The following TBC1D5 variants were observed in gnomAD, a reference collection of about 807,000 sequenced individuals.
TBC1D5 encodes the protein TBC1 domain family, member 5.
A neutral mutation model predicts 100.3 loss-of-function variants in TBC1D5; 75 were observed. The observed-to-expected ratio is 0.75, with a 90% CI of 0.62 to 0.91. The LOEUF (loss-of-function observed/expected upper bound fraction) is 0.91. Ranked by LOEUF, TBC1D5 falls within the 40% of genes least tolerant of loss-of-function variation. TBC1D5 has a pLI of 0.00. For synonymous variants in TBC1D5, 323 were observed against 325.6 expected, an observed-to-expected ratio of 0.99 and a Z score of 0.09; for missense variants, 910 against 942.4, an observed-to-expected ratio of 0.97 and a Z score of 0.45.
intron 1 of TBC1D5, among the ~76,000 whole-genome samples, chr3:17,696,763 C>A (rs1170884654): frequency 6.6e-6 from 1 of 152,204 alleles, no homozygotes; most frequent in Admixed American, 6.5e-5. Context: ...ATGAGGCCAA[C>A]ATCTTCCCGA....
chr3:17,295,618 T>C (rs904890362), intron 14 of TBC1D5, among the ~76,000 whole-genome samples: 1 of 152,232 alleles, frequency 6.6e-6, no homozygotes. Context: ...AACTTACACA[T>C]AATTCAAAAC....
chr3:17,376,878 A>G (rs2092731617), intron 9 of TBC1D5, among the ~76,000 whole-genome samples: 1 of 152,164 alleles, frequency 6.6e-6, no homozygotes, highest in Non-Finnish European at 1.5e-5. Flanking sequence ...ATAAATTGGC[A>G]TGGTAGATAA....
rs575462235 is a variant in TBC1D5 at position 17,408,972 on chromosome 3, C to T, written c.168-2446G>A. On this transcript the variant is annotated intron_variant, in intron 4 of 21. Coordinates refer to ENST00000253692, the Ensembl canonical transcript of TBC1D5. ...AATATGTCCTATTTCCAAGTAGTTA[C>T]GCATATATACTGATATCTCATAATG... is the stretch of plus-strand genomic sequence containing the variant. Among the ~76,000 whole-genome samples, 240 of 152,156 alleles carry T rather than the reference C, an allele frequency of 1.6e-3. 1 individual carries two copies. The highest frequency in any genetic ancestry group is 2.4e-3 in the Non-Finnish European group (164 of 68,010).
intron 3 of TBC1D5, among the ~76,000 whole-genome samples, chr3:17,493,864 T>C (rs1028815570): frequency 1.3e-5 from 2 of 152,176 alleles, no homozygotes; most frequent in South Asian, 2.1e-4. Context: ...TTGCATTGGG[T>C]TAGAACATAC....
At chr3:17,534,537 C>G (rs974643707) in intron 2 of TBC1D5, among the ~76,000 whole-genome samples, 3 of 152,156 alleles carry the variant, frequency 2.0e-5, no homozygotes, top group Non-Finnish European at 4.4e-5. Context: ...CCACAAGATA[C>G]TGGTTTTCTC....
intron 19 of TBC1D5, among the ~76,000 whole-genome samples, chr3:17,173,685 T>A (rs987957573): frequency 3.3e-5 from 5 of 152,186 alleles, no homozygotes; most frequent in African/African-American, 1.2e-4. Flanking sequence ...TATTCAGATA[T>A]CTGGATTCTG....
chr3:17,166,477 A>G (rs574145486), intron 21 of TBC1D5, among the ~76,000 whole-genome samples: 64 of 152,318 alleles, frequency 4.2e-4, no homozygotes, highest in African/African-American at 1.4e-3. Flanking sequence ...CAGCTTTCCC[A>G]TCGCACAGAA....
chr3:17,692,334 C>T (rs953481198), intron 1 of TBC1D5, among the ~76,000 whole-genome samples: 1 of 152,140 alleles, frequency 6.6e-6, no homozygotes, highest in Non-Finnish European at 1.5e-5. Flanking sequence ...TCAGGTGATC[C>T]ACCCGCCTCA....
chr3:17,246,042 T>C (rs2076710287), intron 16 of TBC1D5, among the ~76,000 whole-genome samples: 1 of 152,102 alleles, frequency 6.6e-6, no homozygotes, highest in South Asian at 2.1e-4. Context: ...AATCACTATA[T>C]GTCTTCATAA....
intron 1 of TBC1D5, among the ~76,000 whole-genome samples, chr3:17,702,695 G>A (rs754114602): frequency 3.9e-5 from 6 of 152,072 alleles, no homozygotes; most frequent in East Asian, 1.9e-4. Context: ...CAATATGAAC[G>A]AGATTGATGA....
chr3:17,569,030 A>C (rs1372696094), intron 2 of TBC1D5, among the ~76,000 whole-genome samples: 1 of 151,846 alleles, frequency 6.6e-6, no homozygotes, highest in Non-Finnish European at 1.5e-5. Flanking sequence ...TAATTACCCT[A>C]ATGTTTCATA....
chr3:17,258,451 GATC>G (rs1361917394), intron 16 of TBC1D5, 52 bp downstream of exon 16: 9 of 1,522,222 alleles, frequency 5.9e-6, no homozygotes, highest in Non-Finnish European at 8.1e-6. Flanking sequence ...ATTTCCTGAT[GATC>G]TCTGAGACTA....
intron 17 of TBC1D5, among the ~76,000 whole-genome samples, chr3:17,219,510 T>C (rs546464301): frequency 6.6e-6 from 1 of 151,960 alleles, no homozygotes; most frequent in Non-Finnish European, 1.5e-5. Context: ...CTTATACTTT[T>C]ATTGAAAACT....
intron 18 of TBC1D5, among the ~76,000 whole-genome samples, chr3:17,210,954 T>C (rs1176712342): frequency 6.6e-6 from 1 of 152,210 alleles, no homozygotes; most frequent in Non-Finnish European, 1.5e-5. Flanking sequence ...GAAAAATGTA[T>C]ACATTCGAAA....
At chr3:17,614,960 C>A (rs2062021621) in intron 2 of TBC1D5, among the ~76,000 whole-genome samples, 1 of 152,142 alleles carries the variant, frequency 6.6e-6, no homozygotes, top group Non-Finnish European at 1.5e-5. Context: ...TTGTCTTGTG[C>A]TGGTTTTCAA....
At chr3:17,317,900 T>C (rs1223462121) in intron 13 of TBC1D5, among the ~76,000 whole-genome samples, 1 of 152,036 alleles carries the variant, frequency 6.6e-6, no homozygotes, top group Non-Finnish European at 1.5e-5. Flanking sequence ...GGATTATAAA[T>C]CATGCTGCTA....
intron 15 of TBC1D5, among the ~76,000 whole-genome samples, chr3:17,288,956 G>A (rs1269954367): frequency 6.6e-6 from 1 of 152,216 alleles, no homozygotes; most frequent in Non-Finnish European, 1.5e-5. Context: ...GACTGACAGA[G>A]CTGTTAACAC....
chr3:17,556,726 A>C (rs2096524586), intron 2 of TBC1D5, among the ~76,000 whole-genome samples: 1 of 152,238 alleles, frequency 6.6e-6, no homozygotes, highest in Non-Finnish European at 1.5e-5. Context: ...TTTTATTAAC[A>C]ATTTACTTAG....
intron 3 of TBC1D5, among the ~76,000 whole-genome samples, chr3:17,498,115 A>T (rs1219465546): frequency 6.6e-6 from 1 of 152,148 alleles, no homozygotes; most frequent in Non-Finnish European, 1.5e-5. Context: ...AATTTCTTCC[A>T]TTTAAAACAC....
Sources: gnomAD v4.1 joint callset for allele counts (sites outside exome capture counted in the v4.1 genomes callset) on GRCh38, gnomAD v4.1.1 for gene constraint, MANE v1.5 for transcripts, NCBI Gene and HGNC (gene_info 2026-07-23, HGNC 2026-07-21) for gene names.